Variants in TRIM37 observed in about 807,000 individuals in gnomAD.
TRIM37 encodes the protein tripartite motif containing 37, also known as E3 ubiquitin-protein ligase TRIM37.
A neutral mutation model predicts 129.8 loss-of-function variants in TRIM37; 80 were observed. That is an observed-to-expected ratio of 0.62 (90% CI 0.51 to 0.74). The LOEUF (loss-of-function observed/expected upper bound fraction) is 0.74, where lower values mean the gene tolerates loss of function less well. Ranked by LOEUF, TRIM37 falls within the 30% of genes least tolerant of loss-of-function variation. The pLI, the probability that TRIM37 is intolerant of heterozygous loss-of-function variation, is 0.00. For synonymous variants in TRIM37, 389 were observed against 387.1 expected (o/e 1.00, Z -0.06); for missense variants, 1,054 against 1,176.5 (o/e 0.90, Z 1.52).
chr17:59,093,805 T>G (rs1169562410), intron 2 of TRIM37, among the ~76,000 whole-genome samples: 2 of 152,224 alleles, frequency 1.3e-5, no homozygotes, highest in African/African-American at 4.8e-5. Flanking sequence ...CTGGATCATG[T>G]CCATAAAATT....
chr17:59,103,902 TC>T (rs1434486172), intron 2 of TRIM37, among the ~76,000 whole-genome samples: 1 of 152,146 alleles, frequency 6.6e-6, no homozygotes, highest in Non-Finnish European at 1.5e-5. Context: ...TACCTCGGCC[TC>T]CCAAAGCACC....
chr17:58,982,597 A>G (rs2143845201), downstream of TRIM37: 1 of 294,530 alleles, frequency 3.4e-6, no homozygotes, highest in Non-Finnish European at 6.3e-6. Context: ...CATATTTTGG[A>G]TACCAGTATA....
intron 17 of TRIM37, among the ~76,000 whole-genome samples, chr17:59,038,199 C>T (rs1216219032): frequency 6.6e-6 from 1 of 152,152 alleles, no homozygotes; most frequent in Admixed American, 6.5e-5. Flanking sequence ...AGTAACTAAG[C>T]ACAGCCTACA....
At chr17:58,989,090 A>T (rs1430090416) in intron 24 of TRIM37, among the ~76,000 whole-genome samples, 1 of 152,204 alleles carries the variant, frequency 6.6e-6, no homozygotes, top group Non-Finnish European at 1.5e-5. Context: ...GTCATATGAA[A>T]AGCCAAGAAG....
chr17:59,097,057 C>G (rs2044961943), intron 2 of TRIM37, among the ~76,000 whole-genome samples: 1 of 152,120 alleles, frequency 6.6e-6, no homozygotes, highest in Non-Finnish European at 1.5e-5. Context: ...AGGCATCTGA[C>G]AAAATCCAAT....
rs1399142092 is a variant in TRIM37 at position 59,008,616 on chromosome 17, G to A, written c.2695+3712C>T. On this transcript the variant is annotated intron_variant, in intron 22 of 23. Transcript: ENST00000262294. ...GAGGCTGAAATTAAGTCCAAATCGG[G>A]CGGCCGGGTGTGGTGGCTCATGTCT... Among the ~76,000 whole-genome samples, 5 of 152,138 alleles carry A rather than the reference G, an allele frequency of 3.3e-5. 1 individual carries two copies. The South Asian group carries it at 6.2e-4, about 19-fold the overall frequency.
Position 59,017,308 on chromosome 17 carries a change from T to C in TRIM37, c.2374A>G (p.Thr792Ala). 1 of 1,613,914 alleles carries C rather than the reference T, an allele frequency of 6.2e-7. No homozygotes were observed. Among genetic ancestry groups the C allele is most frequent in the Non-Finnish European group, 8.5e-7 (1 of 1,179,948 alleles). Reference protein sequence around the residue: ...ENSRSKGDCQTLSEGSPGSSQ... With the variant: ...ENSRSKGDCQALSEGSPGSSQ... The stretch of plus-strand genomic sequence containing the variant: ...CCCTCAAATTTACCTTCAGACAGAG[T>C]CTGACAGTCTCCCTTTGAACGACTA... The change falls in exon 20 of 24, where the codon ACT becomes GCT. Residue 792 changes from threonine to alanine, a missense_variant. Thr to Ala is a moderately conservative substitution (Grantham distance 58). This residue lies in a region of TRIM37 where 287 missense variants were observed against 274.3 expected (regional missense o/e 1.05). Coordinates refer to ENST00000262294, the MANE Select transcript of TRIM37 (RefSeq NM_015294.6).
At chr17:59,075,563 C>CAAAAA (rs34467573) in intron 8 of TRIM37, 84 bp downstream of exon 8, 228 of 491,038 alleles carry the variant, frequency 4.6e-4, no homozygotes, top group East Asian at 5.1e-4. Flanking sequence ...GACTCCATCT[C>CAAAAA]AAAAAAAAAA....
At chr17:59,039,845 C>A (rs547813286) in intron 17 of TRIM37, among the ~76,000 whole-genome samples, 1 of 152,168 alleles carries the variant, frequency 6.6e-6, no homozygotes, top group Admixed American at 6.5e-5. Flanking sequence ...TAAATATAAT[C>A]CTTAAAGAGT....
intron 2 of TRIM37, among the ~76,000 whole-genome samples, chr17:59,101,655 C>CAAAAAAAAAAAA (rs763661189): frequency 1.7e-5 from 1 of 58,764 alleles, no homozygotes; most frequent in African/African-American, 5.7e-5. Context: ...CCCATCTCTA[C>CAAAAAAAAAAAA]AAAAAAAAAA....
intron 2 of TRIM37, 23 bp downstream of exon 2, chr17:59,104,270 A>G (rs762702666): frequency 2.5e-6 from 4 of 1,578,866 alleles, no homozygotes; most frequent in South Asian, 1.1e-5. Context: ...TACTAACTGC[A>G]TGTAAAAAGA....
At chr17:59,081,951 AAT>A (rs1491061574) in intron 5 of TRIM37, among the ~76,000 whole-genome samples, 6,388 of 112,308 alleles carry the variant, frequency 0.057, 148 homozygotes, top group African/African-American at 0.12. Flanking sequence ...AAAAAAAAAA[AAT>A]AAAAAAAAAA....
chr17:59,068,917 TG>T (rs2042139005), intron 9 of TRIM37, among the ~76,000 whole-genome samples: 1 of 151,664 alleles, frequency 6.6e-6, no homozygotes, highest in Non-Finnish European at 1.5e-5. Flanking sequence ...GGTGGTGGGG[TG>T]GGGAGTGCTA....
chr17:59,014,646 T>C lies in TRIM37; in HGVS notation c.2576+964A>G, dbSNP rs554194325. ...TGTAAGTGCTTTGTTTCATACAAAATATATATAAATGCCTGTGACACATAA... is the reference window on the plus strand; with the variant it reads ...TGTAAGTGCTTTGTTTCATACAAAACATATATAAATGCCTGTGACACATAA... On this transcript the variant is annotated intron_variant, in intron 21 of 23. Coordinates refer to ENST00000262294, the MANE Select transcript of TRIM37 (RefSeq NM_015294.6). Among the ~76,000 whole-genome samples, 9 of 150,176 alleles carry C rather than the reference T, an allele frequency of 6.0e-5. No individual in the cohort carries two copies. In the South Asian group the frequency reaches 1.9e-3, roughly 32 times the overall value.
At chr17:59,030,265 C>T (rs972257150) in intron 18 of TRIM37, among the ~76,000 whole-genome samples, 1 of 152,144 alleles carries the variant, frequency 6.6e-6, no homozygotes, top group African/African-American at 2.4e-5. Flanking sequence ...GCCACAATGG[C>T]CGGCTAATTT....
intron 16 of TRIM37, among the ~76,000 whole-genome samples, chr17:59,047,249 G>A (rs1714024705): frequency 6.6e-6 from 1 of 152,038 alleles, no homozygotes; most frequent in Non-Finnish European, 1.5e-5. Context: ...GACATTACTG[G>A]CAAATTTTTA....
At position 59,106,697 on chromosome 17, in the gene TRIM37, T is replaced by A; in HGVS notation, c.-236A>T. 1 of 594,542 alleles carries A rather than the reference T, an allele frequency of 1.7e-6. No homozygotes were observed. Among genetic ancestry groups the A allele is most frequent in the Non-Finnish European group, 3.0e-6 (1 of 334,288 alleles). 36.8% of individuals were successfully genotyped at this position (594,542 alleles called of 1,614,324 possible). On this transcript the variant is annotated 5_prime_UTR_variant, in exon 1 of 24. Coordinates refer to ENST00000262294, the MANE Select transcript of TRIM37 (RefSeq NM_015294.6). ...CGAGGCGCAGAAGTAGGGCGAACGG[T>A]GGCCGCAGCTCCTTTCTCCCGGCTC...
chr17:59,036,483 TGCACGC>T (rs2038521581), intron 17 of TRIM37, among the ~76,000 whole-genome samples: 1 of 148,874 alleles, frequency 6.7e-6, no homozygotes, highest in Non-Finnish European at 1.5e-5. Flanking sequence ...TGTGTGTGTG[TGCACGC>T]GTGTGTTTTA....
intron 24 of TRIM37, among the ~76,000 whole-genome samples, chr17:58,990,415 T>C (rs1042649341): frequency 1.3e-5 from 2 of 150,206 alleles, no homozygotes; most frequent in Admixed American, 1.3e-4. Context: ...CGTGTGAACC[T>C]TGGAGATGGA....
Sources: allele counts gnomAD v4.1 joint callset (sites outside exome capture counted in the v4.1 genomes callset), GRCh38; gene constraint gnomAD v4.1.1; regional missense constraint gnomAD v4.1.1; transcripts MANE v1.5; gene names NCBI Gene and HGNC (gene_info 2026-07-23, HGNC 2026-07-21).